PTPN9: variants seen among roughly 807,000 people sequenced by gnomAD.
PTPN9 encodes the protein protein tyrosine phosphatase non-receptor type 9, also known as tyrosine-protein phosphatase non-receptor type 9.
Under a neutral mutation model 69.8 loss-of-function variants are expected in PTPN9, and 26 were observed. The ratio of observed to expected loss-of-function variants is 0.37; its 90% confidence interval spans 0.27 to 0.52. The LOEUF is 0.52. Among genes scored for constraint, PTPN9 ranks in the 20% least tolerant of loss-of-function variants. The pLI, the probability that PTPN9 is intolerant of heterozygous loss-of-function variation, is 0.91. For synonymous variants in PTPN9, 274 were observed against 272.5 expected (o/e 1.01, Z -0.05); for missense variants, 549 against 740.3 (o/e 0.74, Z 3.00).
Position 75,566,272 on chromosome 15 carries a change from A to T in PTPN9, c.63+12442T>A, listed in dbSNP as rs138566019. On this transcript the variant is annotated intron_variant, in intron 1 of 12. Transcript: ENST00000618819. ...TTTACTTATAAATCTTCTAGTTTAT[A>T]AAAAGGCCAGATTTGCAATAATATT... Among the ~76,000 whole-genome samples, 383 of 152,332 alleles carry T rather than the reference A, an allele frequency of 2.5e-3. 6 individuals carry two copies. Among genetic ancestry groups the T allele is most frequent in the Admixed American group, 0.023 (357 of 15,280 alleles).
intron 7 of PTPN9, among the ~76,000 whole-genome samples, chr15:75,505,302 C>G (rs1434348218): frequency 6.7e-6 from 1 of 149,220 alleles, no homozygotes; most frequent in Non-Finnish European, 1.5e-5. Flanking sequence ...TCTCAAGTAC[C>G]CAGGGACACA....
chr15:75,524,132 A>C (rs908490309), intron 3 of PTPN9, 77 bp downstream of exon 3: 17 of 708,972 alleles, frequency 2.4e-5, no homozygotes, highest in South Asian at 8.7e-5. Flanking sequence ...AAAAAAAAAA[A>C]AAAACAAAGT....
chr15:75,518,103 G>T (rs1206478562), intron 4 of PTPN9, among the ~76,000 whole-genome samples: 1 of 152,178 alleles, frequency 6.6e-6, no homozygotes, highest in Non-Finnish European at 1.5e-5. Context: ...CTGACATAGT[G>T]GTTCATGACT....
chr15:75,481,875 G>C (rs1200164787), intron 8 of PTPN9, among the ~76,000 whole-genome samples: 29 of 146,210 alleles, frequency 2.0e-4, no homozygotes, highest in African/African-American at 7.1e-4. Flanking sequence ...CCCTCCGGGA[G>C]GTGAGGGGGC....
chr15:75,545,821 C>T (rs1414745889), intron 1 of PTPN9, among the ~76,000 whole-genome samples: 3 of 152,044 alleles, frequency 2.0e-5, no homozygotes, highest in African/African-American at 4.8e-5. Context: ...TGGTGGCGCA[C>T]GCCTGTAGTC....
chr15:75,523,520 C>T (rs1237412747), intron 3 of PTPN9, among the ~76,000 whole-genome samples: 3 of 152,180 alleles, frequency 2.0e-5, no homozygotes, highest in Non-Finnish European at 2.9e-5. Flanking sequence ...TGGCTGTGCA[C>T]TGGCTTCCTA....
intron 7 of PTPN9, among the ~76,000 whole-genome samples, chr15:75,504,307 G>A (rs1222611227): frequency 3.3e-5 from 4 of 122,832 alleles, no homozygotes; most frequent in East Asian, 2.7e-4. Flanking sequence ...GGTGAGGGGC[G>A]CCTCTGCCCA....
intron 10 of PTPN9, among the ~76,000 whole-genome samples, chr15:75,472,956 A>G (rs1479857546): frequency 5.3e-5 from 8 of 151,910 alleles, no homozygotes; most frequent in Non-Finnish European, 1.0e-4. Context: ...CTCAGAAGAA[A>G]AAAAAAAAAA....
At chr15:75,503,155 G>C (rs1274352368) in intron 7 of PTPN9, among the ~76,000 whole-genome samples, 1 of 149,104 alleles carries the variant, frequency 6.7e-6, no homozygotes, top group Non-Finnish European at 1.5e-5. Flanking sequence ...AGTGAGGAGC[G>C]TCTCTGCCCG....
chr15:75,472,090 T>C (rs562004868), intron 10 of PTPN9, among the ~76,000 whole-genome samples: 1 of 152,312 alleles, frequency 6.6e-6, no homozygotes, highest in African/African-American at 2.4e-5. Flanking sequence ...TTCATTTTTT[T>C]CCTTCCTCAT....
chr15:75,532,559 G>A (rs2074968217), intron 1 of PTPN9, among the ~76,000 whole-genome samples: 1 of 152,132 alleles, frequency 6.6e-6, no homozygotes, highest in South Asian at 2.1e-4. Context: ...TAGCTCCCAA[G>A]AGCTGTTGCC....
Position 75,464,719 on chromosome 15 carries a change from C to T in PTPN9, c.*4050G>A, listed in dbSNP as rs944221102. 1.3e-5 allele frequency: 2 copies of T among 152,168 alleles called. No individual in the cohort carries two copies. Among genetic ancestry groups the T allele is most frequent in the Non-Finnish European group, 2.9e-5 (2 of 68,032 alleles). 9.4% of individuals were successfully genotyped at this position (152,168 alleles called of 1,614,324 possible). On this transcript the variant is annotated 3_prime_UTR_variant, in exon 13 of 13. Coordinates refer to ENST00000618819, the MANE Select transcript of PTPN9 (RefSeq NM_002833.4). ...TTTATAAAAGTTTTTGTATGTGTGT[C>T]TGTCTGTCCCAAGAGACAGGAAGCA...
chr15:75,537,076 G>C (rs1048683619), intron 1 of PTPN9, among the ~76,000 whole-genome samples: 1 of 152,098 alleles, frequency 6.6e-6, no homozygotes, highest in Non-Finnish European at 1.5e-5. Context: ...TGCAGGCCAG[G>C]CATGGTGGCT....
intron 8 of PTPN9, among the ~76,000 whole-genome samples, chr15:75,488,745 G>A (rs1265490087): frequency 6.6e-6 from 1 of 152,166 alleles, no homozygotes; most frequent in Non-Finnish European, 1.5e-5. Flanking sequence ...AGTGAGCTAC[G>A]ATCAAGTCAC....
At chr15:75,520,315 A>C (rs1033544921) in intron 4 of PTPN9, among the ~76,000 whole-genome samples, 1 of 151,860 alleles carries the variant, frequency 6.6e-6, no homozygotes, top group Non-Finnish European at 1.5e-5. Context: ...AGAGAATTTA[A>C]AAAAAAAGAA....
intron 1 of PTPN9, among the ~76,000 whole-genome samples, chr15:75,566,272 A>G (rs138566019): frequency 6.6e-6 from 1 of 152,220 alleles, no homozygotes; most frequent in African/African-American, 2.4e-5. Flanking sequence ...TCTAGTTTAT[A>G]AAAAGGCCAG....
At chr15:75,524,372 A>T in intron 2 of PTPN9, 74 bp from the exon 3 acceptor site, 4 of 804,796 alleles carry the variant, frequency 5.0e-6, no homozygotes, top group Non-Finnish European at 8.3e-6. Context: ...GTAACCACCA[A>T]ATCTCAGAGA....
At chr15:75,571,298 A>G (rs1400769262) in intron 1 of PTPN9, among the ~76,000 whole-genome samples, 1 of 152,132 alleles carries the variant, frequency 6.6e-6, no homozygotes, top group Non-Finnish European at 1.5e-5. Context: ...TATCATAATA[A>G]TGGCTAACTT....
At chr15:75,544,589 T>C (rs1442738702) in intron 1 of PTPN9, among the ~76,000 whole-genome samples, 1 of 151,888 alleles carries the variant, frequency 6.6e-6, no homozygotes, top group Non-Finnish European at 1.5e-5. Context: ...AAGCTCCTCA[T>C]CCACCAACAA....
Sources: allele counts gnomAD v4.1 joint callset (sites outside exome capture counted in the v4.1 genomes callset), GRCh38; gene constraint gnomAD v4.1.1; transcripts MANE v1.5; gene names NCBI Gene and HGNC (gene_info 2026-07-23, HGNC 2026-07-21).